Variants in IMPG2 observed in about 807,000 individuals in gnomAD.
IMPG2 encodes the protein IPM 200.
In IMPG2, 91 loss-of-function variants were observed where a neutral mutation model predicts 129.2. The observed-to-expected ratio is 0.70, with a 90% confidence interval of 0.59 to 0.84. IMPG2 has a LOEUF of 0.84. Among genes scored for constraint, IMPG2 ranks in the 40% least tolerant of loss-of-function variants. The probability of loss-of-function intolerance (pLI) is 0.00; values close to 1 mark genes in which losing one functional copy is unlikely to be tolerated. For synonymous variants in IMPG2, 510 were observed against 517.7 expected (o/e 0.99, Z 0.20); for missense variants, 1,430 against 1,461.7 (o/e 0.98, Z 0.35).
chr3:101,244,705 T>C lies in IMPG2; in HGVS notation c.1626A>G (p.Lys542=). 1.2e-6 allele frequency: 2 copies of C among 1,614,098 alleles called. No homozygotes were observed. Among genetic ancestry groups the C allele is most frequent in the Non-Finnish European group, 1.7e-6 (2 of 1,179,946 alleles). ...AGTCTTCCATGGATGGTATTGTTTC[T>C]TTTGGCACAGGTTGAGTGAATGAAC... ...PSSSFTQPVP[K]ETIPSMEDSD... is the part of the protein sequence containing the mutation. The change falls in exon 13 of 19, where the codon AAA becomes AAG. Residue 542 remains lysine (K), a synonymous_variant. Transcript: ENST00000193391.
rs1177668593 is a variant in IMPG2 at position 101,228,870 on chromosome 3, G to T, written c.3640C>A (p.Gln1214Lys). ...AGTTCCAAAACTCTCATTCTCTCTTGAATTTCCTTAAACAAAAAAGAAACA... is the reference window on the plus strand; with the variant it reads ...AGTTCCAAAACTCTCATTCTCTCTTTAATTTCCTTAAACAAAAAAGAAACA... Reference protein sequence around the residue: ...ESSELSREEIQERMRVLELYA... With the variant: ...ESSELSREEIKERMRVLELYA... The change falls in exon 18 of 19, where the codon CAA becomes AAA. Residue 1214 changes from glutamine to lysine, a missense_variant. Gln to Lys is a moderately conservative substitution (Grantham distance 53). Transcript: ENST00000193391. 1 of 1,613,002 alleles carries T rather than the reference G, an allele frequency of 6.2e-7. No individual in the cohort carries two copies. The highest frequency in any genetic ancestry group is 1.1e-5 in the South Asian group (1 of 91,054).
chr3:101,275,772 A>T (rs767985435), intron 5 of IMPG2, 27 bp from the exon 6 acceptor site: 25 of 1,501,150 alleles, frequency 1.7e-5, no homozygotes, highest in Non-Finnish European at 2.3e-5. Flanking sequence ...AAACATATGC[A>T]TGAATTCAGT....
In IMPG2 at chr3:101,242,878, C is replaced by G; in HGVS notation, c.2832G>C (p.Thr944=). ...TGAGGATTTCTAAGTTCTGGAACCC[C>G]GTGAGATTTGACTGGAGATAGGGAA... ...LLVPYLQSNL[T]GFQNLEILNF... is the part of the protein sequence containing the mutation. The change falls in exon 14 of 19, where the codon ACG becomes ACC. Residue 944 remains threonine (T), a synonymous_variant. Coordinates refer to ENST00000193391, the MANE Select transcript of IMPG2 (RefSeq NM_016247.4). The G allele has an allele frequency of 6.2e-7, 1 of 1,613,878 alleles. No homozygotes were observed. Among genetic ancestry groups the G allele is most frequent in the South Asian group, 1.1e-5 (1 of 91,050 alleles).
At chr3:101,256,189 G>GAA (rs1553682304) in intron 10 of IMPG2, among the ~76,000 whole-genome samples, 1 of 147,210 alleles carries the variant, frequency 6.8e-6, no homozygotes, top group South Asian at 2.2e-4. Context: ...AAGAAAGAAA[G>GAA]AAAGAAAGAA....
Position 101,228,716 on chromosome 3 carries a change from G to A in IMPG2, c.3713+81C>T, listed in dbSNP as rs1034941488. ...TCCTGTCACATGGACAGGAAATTAT[G>A]TGCTCACTCAGGTGTGACATTACTC... is the stretch of plus-strand genomic sequence containing the variant. On this transcript the variant is annotated intron_variant, in intron 18 of 18. Transcript: ENST00000193391. 1.0e-5 allele frequency: 11 copies of A among 1,084,250 alleles called. No individual in the cohort carries two copies. In the Admixed American group the frequency reaches 1.5e-4, roughly 15 times the overall value. The allele number at this position is 1,084,250 out of a possible 1,614,324, so 67.2% of individuals were successfully genotyped here. A position where few individuals can be genotyped will look rare whatever the true frequency, so the allele number is the denominator to read the frequency against.
At chr3:101,246,987 T>C (rs1706486287) in intron 11 of IMPG2, among the ~76,000 whole-genome samples, 1 of 151,964 alleles carries the variant, frequency 6.6e-6, no homozygotes. Context: ...TTCTAGCTAC[T>C]TGGGAGACTG....
chr3:101,261,661 C>A (rs780379678), intron 9 of IMPG2, among the ~76,000 whole-genome samples: 1 of 152,038 alleles, frequency 6.6e-6, no homozygotes, highest in Non-Finnish European at 1.5e-5. Flanking sequence ...GGAAAGGGAA[C>A]TCAAATAAGT....
chr3:101,280,940 C>G (rs1272844616), intron 4 of IMPG2, among the ~76,000 whole-genome samples: 1 of 147,394 alleles, frequency 6.8e-6, no homozygotes. Context: ...CAGAGCGAGA[C>G]TGTTGCAAAA....
chr3:101,309,840 T>C (rs1301998062), intron 2 of IMPG2, among the ~76,000 whole-genome samples: 1 of 151,950 alleles, frequency 6.6e-6, no homozygotes, highest in Non-Finnish European at 1.5e-5. Context: ...CAAATGGCCA[T>C]ATAATGGAAT....
At chr3:101,227,211 C>T (rs755707438) in intron 18 of IMPG2, among the ~76,000 whole-genome samples, 2 of 152,136 alleles carry the variant, frequency 1.3e-5, no homozygotes, top group Non-Finnish European at 2.9e-5. Flanking sequence ...ATTTTTTCGG[C>T]TACCTGATAG....
Position 101,223,888 on chromosome 3 carries a change from C to T in IMPG2, c.*3081G>A, listed in dbSNP as rs1238474761. On this transcript the variant is annotated 3_prime_UTR_variant, in exon 19 of 19. Coordinates refer to ENST00000193391, the MANE Select transcript of IMPG2 (RefSeq NM_016247.4). ...GTGCGGTGGCTCATGCCTGTAATCC[C>T]AGCACTTTGGGAGGCCAAGGCAGGT... The T allele has an allele frequency of 6.6e-6, 1 of 152,230 alleles. No homozygotes were observed. Among genetic ancestry groups the T allele is most frequent in the Non-Finnish European group, 1.5e-5 (1 of 68,074 alleles). The allele number at this position is 152,230 out of a possible 1,614,324, so 9.4% of individuals were successfully genotyped here. A position where few individuals can be genotyped will look rare whatever the true frequency, so the allele number is the denominator to read the frequency against.
chr3:101,265,177 C>T (rs922577579), intron 9 of IMPG2, among the ~76,000 whole-genome samples: 6 of 151,844 alleles, frequency 4.0e-5, no homozygotes, highest in African/African-American at 1.5e-4. Context: ...ACATTCTTCA[C>T]AGAAATAGAA....
chr3:101,250,044 C>T (rs555470393), intron 11 of IMPG2, among the ~76,000 whole-genome samples: 3 of 152,250 alleles, frequency 2.0e-5, no homozygotes, highest in African/African-American at 7.2e-5. Context: ...CACCACTGCA[C>T]TCCTGCCCAG....
chr3:101,229,255 A>G, intron 17 of IMPG2, 125 bp downstream of exon 17: 2 of 809,066 alleles, frequency 2.5e-6, no homozygotes, highest in Non-Finnish European at 4.2e-6. Flanking sequence ...AATATTTTTT[A>G]CACTTTCTTA....
At chr3:101,250,400 A>C (rs1706531072) in intron 11 of IMPG2, among the ~76,000 whole-genome samples, 1 of 152,196 alleles carries the variant, frequency 6.6e-6, no homozygotes, top group African/African-American at 2.4e-5. Flanking sequence ...TGGCTTGGAA[A>C]AATCTTACGT....
chr3:101,269,236 C>T (rs1034017895), intron 8 of IMPG2, among the ~76,000 whole-genome samples: 3 of 152,002 alleles, frequency 2.0e-5, no homozygotes, highest in East Asian at 1.9e-4. Context: ...ATAAGACCTA[C>T]GTAACTTGTC....
chr3:101,283,483 A>C (rs1236404935), intron 4 of IMPG2, among the ~76,000 whole-genome samples: 1 of 152,196 alleles, frequency 6.6e-6, no homozygotes, highest in East Asian at 1.9e-4. Context: ...CTATATGATG[A>C]AGGTGTTTTG....
rs1251972516 is a variant in IMPG2, at chr3:101,244,391, T to A, written c.1940A>T (p.Lys647Met). The change falls in exon 13 of 19, where the codon AAG becomes ATG. Residue 647 changes from lysine (K) to methionine (M), a missense_variant. Coordinates refer to ENST00000193391, the MANE Select transcript of IMPG2 (RefSeq NM_016247.4). ...CATTTTGTCAACTAAAACTAGTTTCTTGTCTTCAATCTCAGCTGGCAAAAG... is the reference window on the plus strand; with the variant it reads ...CATTTTGTCAACTAAAACTAGTTTCATGTCTTCAATCTCAGCTGGCAAAAG... ...DSLLPAEIED[K>M]KLVLVDKMDS... 6.2e-7 allele frequency: 1 copy of A among 1,614,170 alleles called. No individual in the cohort carries two copies. Among genetic ancestry groups the A allele is most frequent in the South Asian group, 1.1e-5 (1 of 91,080 alleles).
At chr3:101,273,432 A>C (rs1706808321) in intron 7 of IMPG2, 149 bp downstream of exon 7, 1 of 750,382 alleles carries the variant, frequency 1.3e-6, no homozygotes, top group Admixed American at 2.8e-5. Flanking sequence ...CTTTTCACAG[A>C]GTTTTCTGAA....
Sources: gnomAD v4.1 joint callset for allele counts (sites outside exome capture counted in the v4.1 genomes callset) on GRCh38, gnomAD v4.1.1 for gene constraint, MANE v1.5 for transcripts, NCBI Gene and HGNC (gene_info 2026-07-23, HGNC 2026-07-21) for gene names.